TRPC5: variants seen among roughly 807,000 people sequenced by gnomAD.
The protein encoded by TRPC5 is transient receptor potential cation channel subfamily C member 5.
In TRPC5, 9 loss-of-function variants were observed where a neutral mutation model predicts 56.5. That is an observed-to-expected ratio of 0.16 (90% CI 0.10 to 0.28). TRPC5 has a LOEUF of 0.28. Ranked by LOEUF, TRPC5 falls within the 10% of genes least tolerant of loss-of-function variation. The pLI is 1.00. For missense variants in TRPC5, 469 were observed against 748.9 expected (o/e 0.63, Z 4.36); for synonymous variants, 282 against 278.5 (o/e 1.01, Z -0.13).
rs943128916 is a variant in TRPC5 at position 111,911,002 on chromosome X, T to C, written c.900+1289A>G. Among the ~76,000 whole-genome samples, 4 of 112,898 alleles carry C rather than the reference T, an allele frequency of 3.5e-5. No individual in the cohort carries two copies. The Admixed American group carries it at 3.7e-4, about 11-fold the overall frequency. The stretch of plus-strand genomic sequence containing the variant: ...AAAATAAAATAAGGGGACTCATGGG[T>C]GGGCCTAACCATTTACCACTTCCTC... On this transcript the variant is annotated intron_variant, in intron 3 of 10. Coordinates refer to ENST00000262839, the MANE Select transcript of TRPC5 (RefSeq NM_012471.3).
chrX:111,880,334 TAATA>T (rs1347288491), intron 3 of TRPC5, among the ~76,000 whole-genome samples: 1 of 112,438 alleles, frequency 8.9e-6, no homozygotes, highest in Non-Finnish European at 1.9e-5. Context: ...AGTAGGTGAT[TAATA>T]AATATTTGTG....
intron 1 of TRPC5, among the ~76,000 whole-genome samples, chrX:112,035,569 G>A (rs1008061342): frequency 3.6e-5 from 4 of 110,255 alleles, no homozygotes; most frequent in Non-Finnish European, 7.6e-5. Flanking sequence ...GATGCTCTTT[G>A]GGAGCTTGGG....
In TRPC5 at chrX:111,993,012, A is replaced by G. The variant is rs372927016; in HGVS notation, c.-21-40571T>C. 1.5e-4 allele frequency among the ~76,000 whole-genome samples: 17 copies of G among 110,064 alleles called. No individual in the cohort carries two copies. The East Asian group carries it at 2.9e-3, about 18-fold the overall frequency. On this transcript the variant is annotated intron_variant, in intron 1 of 10. Transcript: ENST00000262839. ...GGTTTGCTGTACCCATCAACTCATC[A>G]TTTACATTAGGTATTTCTCCTAATG... is the stretch of plus-strand genomic sequence containing the variant.
At chrX:111,930,434 T>C (rs1008229285) in intron 2 of TRPC5, among the ~76,000 whole-genome samples, 1 of 110,292 alleles carries the variant, frequency 9.1e-6, no homozygotes, top group Non-Finnish European at 1.9e-5. Flanking sequence ...ACTTAAAGTA[T>C]AATAATAATT....
At chrX:112,017,593 A>C (rs1254667427) in intron 1 of TRPC5, among the ~76,000 whole-genome samples, 2 of 110,925 alleles carry the variant, frequency 1.8e-5, no homozygotes, top group Non-Finnish European at 3.8e-5. Context: ...ATGTAGAAAG[A>C]AGCAGAGCTG....
chrX:112,035,756 C>T (rs1011397492), intron 1 of TRPC5, among the ~76,000 whole-genome samples: 2 of 108,921 alleles, frequency 1.8e-5, no homozygotes, highest in Non-Finnish European at 3.8e-5. Context: ...CCCAGCCTCC[C>T]GAGTAGCTGG....
intron 1 of TRPC5, among the ~76,000 whole-genome samples, chrX:112,048,357 C>T (rs950235263): frequency 2.2e-5 from 2 of 90,974 alleles, no homozygotes; most frequent in East Asian, 3.5e-4. Context: ...GCCGCGATCG[C>T]GCCAGTGCAC....
chrX:111,843,873 AGTGTGTGT>A (rs547330564), intron 6 of TRPC5, among the ~76,000 whole-genome samples: 77 of 72,598 alleles, frequency 1.1e-3, no homozygotes, highest in African/African-American at 3.1e-3. Context: ...CAGTGGGATG[AGTGTGTGT>A]GTGTGTGTGT....
chrX:111,929,527 C>A (rs1683139520), intron 2 of TRPC5, among the ~76,000 whole-genome samples: 1 of 112,248 alleles, frequency 8.9e-6, no homozygotes, highest in African/African-American at 3.2e-5. Context: ...AAACAGTTAT[C>A]CCTCACAACT....
In TRPC5 at chrX:112,012,408, T is replaced by G. The variant is rs751798358; in HGVS notation, c.-21-59967A>C. 1.3e-4 allele frequency among the ~76,000 whole-genome samples: 14 copies of G among 111,185 alleles called. No individual in the cohort carries two copies. The East Asian group carries it at 3.9e-3, about 31-fold the overall frequency. ...CTTTTCTTTTTCTTTTTCTTTTTTT[T>G]GATGAAGTTGCAGGCAGCCAGGATC... is the stretch of plus-strand genomic sequence containing the variant. On this transcript the variant is annotated intron_variant, in intron 1 of 10. Transcript: ENST00000262839.
At position 111,944,282 on chromosome X, in the gene TRPC5, G is replaced by A. The variant is rs923953663; in HGVS notation, c.378+7761C>T. Among the ~76,000 whole-genome samples the A allele has an allele frequency of 3.8e-3, 312 of 81,077 alleles. 4 individuals are homozygous for A. The highest frequency in any genetic ancestry group is 0.019 in the African/African-American group (301 of 15,510). The allele number at this position is 81,077 out of a possible 115,157, so 70.4% of individuals were successfully genotyped here. ...GGAGTAGAAGAGTGTGTGTGTGTGT[G>A]TGTGTGTGTGTGTGTGTGTGTGAGA... On this transcript the variant is annotated intron_variant, in intron 2 of 10. Transcript: ENST00000262839.
At chrX:112,066,127 C>G (rs183805363) in intron 1 of TRPC5, among the ~76,000 whole-genome samples, 3,928 of 106,314 alleles carry the variant, frequency 0.037, 150 homozygotes, top group African/African-American at 0.11. Context: ...AGTCCCAGCT[C>G]TTATGTTACA....
At chrX:111,995,551 C>G in intron 1 of TRPC5, among the ~76,000 whole-genome samples, 1 of 111,439 alleles carries the variant, frequency 9.0e-6, no homozygotes, top group East Asian at 2.8e-4. Flanking sequence ...ACCAGCTCCT[C>G]TTTGTACCTC....
Position 112,032,671 on chromosome X carries a change from A to G in TRPC5, c.-22+49208T>C, listed in dbSNP as rs187904319. On this transcript the variant is annotated intron_variant, in intron 1 of 10. Coordinates refer to ENST00000262839, the MANE Select transcript of TRPC5 (RefSeq NM_012471.3). Reference sequence around the variant, plus strand: ...AAATATGGATTCATATGGCATTTCTATGTTTAACTTCCTGAAGAACTACCA... The same window carrying G: ...AAATATGGATTCATATGGCATTTCTGTGTTTAACTTCCTGAAGAACTACCA... 4.5e-5 allele frequency among the ~76,000 whole-genome samples: 5 copies of G among 112,183 alleles called. No individual in the cohort carries two copies. The Admixed American group carries it at 4.7e-4, about 11-fold the overall frequency.
At chrX:111,941,647 G>A (rs750337728) in intron 2 of TRPC5, among the ~76,000 whole-genome samples, 1 of 112,322 alleles carries the variant, frequency 8.9e-6, no homozygotes, top group African/African-American at 3.2e-5. Flanking sequence ...ACTTGGTCTA[G>A]GCTCCAAGCA....
intron 7 of TRPC5, among the ~76,000 whole-genome samples, chrX:111,823,298 GAA>G (rs1165537315): frequency 1.8e-5 from 2 of 111,758 alleles, no homozygotes; most frequent in Non-Finnish European, 3.8e-5. Flanking sequence ...AGGTCTGTCT[GAA>G]AAGTCAGCCT....
chrX:111,804,776 A>C (rs1479878755), intron 7 of TRPC5, among the ~76,000 whole-genome samples: 2 of 111,792 alleles, frequency 1.8e-5, no homozygotes, highest in Non-Finnish European at 3.8e-5. Flanking sequence ...TTCTAAATAT[A>C]CAATCATGTC....
chrX:111,909,163 A>AAC (rs1556583175), intron 3 of TRPC5, among the ~76,000 whole-genome samples: 48 of 92,729 alleles, frequency 5.2e-4, no homozygotes, highest in East Asian at 1.0e-3. Flanking sequence ...AAAAAAAAAA[A>AAC]AAAAAAAAAA....
intron 1 of TRPC5, among the ~76,000 whole-genome samples, chrX:111,994,402 A>G (rs1464715326): frequency 9.0e-6 from 1 of 111,451 alleles, no homozygotes; most frequent in African/African-American, 3.3e-5. Context: ...TTTTGGTTCC[A>G]TATGAAGTTT....
Sources: gnomAD v4.1 joint callset for allele counts (sites outside exome capture counted in the v4.1 genomes callset) on GRCh38, gnomAD v4.1.1 for gene constraint, MANE v1.5 for transcripts, NCBI Gene and HGNC (gene_info 2026-07-23, HGNC 2026-07-21) for gene names.